The following USP9X variants were observed in gnomAD, a reference collection of about 807,000 sequenced individuals.
The protein encoded by USP9X is ubiquitin carboxyl-terminal hydrolase 9X.
In USP9X, 7 loss-of-function variants were observed where a neutral mutation model predicts 190.3. The observed-to-expected ratio is 0.04, with a 90% CI of 0.02 to 0.07. The LOEUF is 0.07. USP9X is among the 10% of genes least tolerant of loss of function. The pLI is 1.00. For synonymous variants in USP9X, 645 were observed against 659.5 expected (o/e 0.98, Z 0.34); for missense variants, 1,010 against 1,916.9 (o/e 0.53, Z 8.83).
intron 9 of USP9X, among the ~76,000 whole-genome samples, chrX:41,142,854 AGATAATG>A (rs1484543914): frequency 8.9e-6 from 1 of 112,090 alleles, no homozygotes; most frequent in Non-Finnish European, 1.9e-5. Context: ...AAAATTAAAG[AGATAATG>A]GATAAGCAAT....
chrX:41,140,106 A>G (rs973526668), intron 6 of USP9X, among the ~76,000 whole-genome samples: 21 of 111,823 alleles, frequency 1.9e-4, no homozygotes, highest in Non-Finnish European at 3.6e-4. Flanking sequence ...TGCAATTTGT[A>G]TAAGCAAAAG....
At position 41,236,407 on chromosome X, in the gene USP9X, T is replaced by G. The variant is rs1181475885; in HGVS notation, c.*3883T>G. The stretch of plus-strand genomic sequence containing the variant: ...GAAGCGGGGGCAAGGTGCACCACAT[T>G]TTAAAACTGCAAATGTGTGAAAATT... On this transcript the variant is annotated 3_prime_UTR_variant, in exon 45 of 45. Coordinates refer to ENST00000378308, the MANE Select transcript of USP9X (RefSeq NM_001039591.3). The G allele has an allele frequency of 1.8e-5, 2 of 111,914 alleles. No homozygotes were observed. Among genetic ancestry groups the G allele is most frequent in the Non-Finnish European group, 3.8e-5 (2 of 53,086 alleles). The allele number at this position is 111,914 out of a possible 1,213,427, so 9.2% of individuals were successfully genotyped here.
chrX:41,125,223 G>A (rs975034831), intron 2 of USP9X, among the ~76,000 whole-genome samples: 1 of 109,706 alleles, frequency 9.1e-6, no homozygotes, highest in African/African-American at 3.3e-5. Flanking sequence ...TTACAGGCAC[G>A]TCCCACCACA....
chrX:41,150,475 A>AT (rs997077468), intron 12 of USP9X, among the ~76,000 whole-genome samples: 2 of 111,668 alleles, frequency 1.8e-5, no homozygotes, highest in Admixed American at 9.5e-5. Context: ...TCAAATATAC[A>AT]TTTTTTGTGT....
chrX:41,226,595 G>C (rs1230030534), intron 41 of USP9X, among the ~76,000 whole-genome samples: 2 of 112,051 alleles, frequency 1.8e-5, no homozygotes. Flanking sequence ...TTGCAACTTA[G>C]TATTTTCAAA....
intron 14 of USP9X, 37 bp from the exon 15 acceptor site, chrX:41,162,752 TC>T: frequency 9.1e-7 from 1 of 1,103,553 alleles, no homozygotes; most frequent in East Asian, 3.1e-5. Flanking sequence ...ATTTGGGTTA[TC>T]CATGTGTATA....
chrX:41,146,573 GT>G (rs767656094), intron 11 of USP9X, among the ~76,000 whole-genome samples: 1 of 107,993 alleles, frequency 9.3e-6, no homozygotes, highest in East Asian at 2.9e-4. Flanking sequence ...TGTTTGAAAT[GT>G]TACCTCATTG....
At chrX:41,184,747 T>C in intron 23 of USP9X, 72 bp downstream of exon 23, 4 of 918,111 alleles carry the variant, frequency 4.4e-6, no homozygotes, top group Non-Finnish European at 6.0e-6. Context: ...AATTAGTATT[T>C]TAAGTGTAGA....
chrX:41,225,405 G>T (rs1332613870), intron 41 of USP9X, among the ~76,000 whole-genome samples: 1 of 111,652 alleles, frequency 9.0e-6, no homozygotes, highest in Non-Finnish European at 1.9e-5. Context: ...GCTAGCTTGG[G>T]CATTTGGTAA....
intron 12 of USP9X, among the ~76,000 whole-genome samples, chrX:41,150,633 G>C (rs753170271): frequency 9.0e-6 from 1 of 111,522 alleles, no homozygotes; most frequent in Non-Finnish European, 1.9e-5. Flanking sequence ...CTTTCTGTCA[G>C]TGTGCCTAAT....
intron 26 of USP9X, among the ~76,000 whole-genome samples, chrX:41,190,196 AAAGGTTGATGT>A (rs2062919033): frequency 8.9e-6 from 1 of 112,338 alleles, no homozygotes; most frequent in Non-Finnish European, 1.9e-5. Flanking sequence ...TTCATTGATG[AAAGGTTGATGT>A]AAATTCACAA....
chrX:41,121,681 C>G (rs193130721), intron 1 of USP9X, among the ~76,000 whole-genome samples: 1 of 111,469 alleles, frequency 9.0e-6, no homozygotes, highest in East Asian at 2.8e-4. Flanking sequence ...TTAAGTTTCT[C>G]TATCTGGTGG....
At chrX:41,166,268 C>T (rs1049796295) in intron 16 of USP9X, 54 bp downstream of exon 16, 18 of 879,055 alleles carry the variant, frequency 2.0e-5, no homozygotes, top group South Asian at 9.4e-5. Context: ...TTTTCATGTA[C>T]GTAAGGAATT....
At chrX:41,225,010 C>T in intron 40 of USP9X, 39 bp from the exon 41 acceptor site, 2 of 1,208,087 alleles carry the variant, frequency 1.7e-6, no homozygotes, top group Non-Finnish European at 2.2e-6. Context: ...TTTGTTATTC[C>T]TTTCATTAAG....
rs921019649 is a variant in USP9X at position 41,235,299 on chromosome X, G to A, written c.*2775G>A. The A allele has an allele frequency of 8.9e-6, 1 of 112,958 alleles. No individual in the cohort carries two copies. The highest frequency in any genetic ancestry group is 1.9e-5 in the Non-Finnish European group (1 of 53,342). The allele number at this position is 112,958 out of a possible 1,213,427, so 9.3% of individuals were successfully genotyped here. A position where few individuals can be genotyped will look rare whatever the true frequency, so the allele number is the denominator to read the frequency against. ...AACCAGAAATTTAAAGATGCATGTTGTTGCAAGAGCAACATAATGGTGATT... is the reference window on the plus strand; with the variant it reads ...AACCAGAAATTTAAAGATGCATGTTATTGCAAGAGCAACATAATGGTGATT... On this transcript the variant is annotated 3_prime_UTR_variant, in exon 45 of 45. Transcript: ENST00000378308.
chrX:41,195,719 C>T (rs772340270), intron 26 of USP9X, among the ~76,000 whole-genome samples: 44 of 111,874 alleles, frequency 3.9e-4, no homozygotes, highest in Non-Finnish European at 7.2e-4. Context: ...ATAGGGTTTG[C>T]GCTCCTATGA....
Position 41,196,768 on chromosome X carries a change from G to A in USP9X, c.4233+30G>A, listed in dbSNP as rs773952088. On this transcript the variant is annotated intron_variant, in intron 28 of 44. Transcript: ENST00000378308. ...GTTTTAGTTAATACTCCATTTATAT[G>A]TCATTATTAGTAAATAGAATGTTTT... 7 of 1,014,551 alleles carry A rather than the reference G, an allele frequency of 6.9e-6. No homozygotes were observed. In the South Asian group the frequency reaches 1.4e-4, roughly 20 times the overall value. 83.6% of individuals were successfully genotyped at this position (1,014,551 alleles called of 1,213,427 possible). A position where few individuals can be genotyped will look rare whatever the true frequency, so the allele number is the denominator to read the frequency against.
intron 1 of USP9X, among the ~76,000 whole-genome samples, chrX:41,114,646 A>AT (rs768117951): frequency 8.5e-4 from 90 of 106,102 alleles, no homozygotes; most frequent in African/African-American, 2.4e-3. Context: ...CACCTGGCTA[A>AT]TTTTTTTTGC....
intron 6 of USP9X, among the ~76,000 whole-genome samples, chrX:41,139,978 C>T (rs894152265): frequency 5.4e-5 from 6 of 111,960 alleles, no homozygotes; most frequent in Admixed American, 2.9e-4. Context: ...TACATACAGA[C>T]AGGCTTTTAG....
Sources: gnomAD v4.1 joint callset for allele counts (sites outside exome capture counted in the v4.1 genomes callset) on GRCh38, gnomAD v4.1.1 for gene constraint, MANE v1.5 for transcripts, NCBI Gene and HGNC (gene_info 2026-07-23, HGNC 2026-07-21) for gene names.